The following OSBPL3 variants were observed in gnomAD, a reference collection of about 807,000 sequenced individuals.
OSBPL3 encodes the protein oxysterol binding protein like 3, also known as oxysterol-binding protein-related protein 3.
OSBPL3 carries 65 observed loss-of-function variants against 120.1 expected under a neutral mutation model. The ratio of observed to expected loss-of-function variants is 0.54; its 90% CI spans 0.44 to 0.67. The LOEUF (loss-of-function observed/expected upper bound fraction) is 0.67. Ranked by LOEUF, OSBPL3 falls within the 30% of genes least tolerant of loss-of-function variation. The probability of loss-of-function intolerance (pLI) is 0.00; values close to 1 mark genes in which losing one functional copy is unlikely to be tolerated. For missense variants in OSBPL3, 1,004 were observed against 1,082.1 expected, an observed-to-expected ratio of 0.93 and a Z score of 1.01; for synonymous variants, 416 against 402.6, an observed-to-expected ratio of 1.03 and a Z score of -0.40.
rs1803266007 is a variant in OSBPL3, at chr7:24,879,052, G to A, written c.97-6983C>T. Among the ~76,000 whole-genome samples the A allele has an allele frequency of 6.6e-6, 1 of 152,202 alleles. No homozygotes were observed. The highest frequency in any genetic ancestry group is 1.5e-5 in the Non-Finnish European group (1 of 68,040). ...TCCAGCTTTGCCTAAAGGATGGGTT[G>A]TCTTACTATCTAATGAGTGCTATGA... On this transcript the variant is annotated intron_variant, in intron 2 of 22. Transcript: ENST00000313367. The surrounding 1 kb of genome is among the most constrained non-coding windows in gnomAD (Gnocchi z 5.6).
chr7:24,880,310 G>A (rs1045719773), intron 2 of OSBPL3, among the ~76,000 whole-genome samples: 6 of 152,038 alleles, frequency 3.9e-5, no homozygotes, highest in Non-Finnish European at 5.9e-5. Context: ...GCAGAACCTC[G>A]CAGCTGAGTG....
chr7:24,868,348 T>A (rs1801641398), intron 5 of OSBPL3, among the ~76,000 whole-genome samples: 1 of 138,994 alleles, frequency 7.2e-6, no homozygotes, highest in African/African-American at 3.0e-5. Context: ...AGTGTGTGTG[T>A]GTGTGTGTGT....
In OSBPL3 at chr7:24,964,826, T is replaced by G. The variant is rs1816193841; in HGVS notation, c.-150+15060A>C. Among the ~76,000 whole-genome samples, 1 of 152,344 alleles carries G rather than the reference T, an allele frequency of 6.6e-6. No individual in the cohort carries two copies. The highest frequency in any genetic ancestry group is 2.1e-4 in the South Asian group (1 of 4,828). ...ACTATCTTCACATCTTTTCTCTACCTCTAAAACTATTCTAAACTTAAAAGT... is the reference window on the plus strand; with the variant it reads ...ACTATCTTCACATCTTTTCTCTACCGCTAAAACTATTCTAAACTTAAAAGT... On this transcript the variant is annotated intron_variant, in intron 1 of 22. Coordinates refer to ENST00000313367, the MANE Select transcript of OSBPL3 (RefSeq NM_015550.4). This position sits in a 1 kb window ranked among gnomAD's most constrained non-coding sequence, Gnocchi z 4.2.
rs540374723 is a variant in OSBPL3, at chr7:24,909,361, C to G, written c.-149-16740G>C. ...GAGCAGAGTTGTTTGTCTTCCAGGT[C>G]ATGGTCCTAAAAAGAGATACACATG... On this transcript the variant is annotated intron_variant, in intron 1 of 22. Transcript: ENST00000313367. Among the ~76,000 whole-genome samples, 3 of 152,276 alleles carry G rather than the reference C, an allele frequency of 2.0e-5. No homozygotes were observed. In the South Asian group the frequency reaches 6.2e-4, roughly 32 times the overall value.
intron 2 of OSBPL3, among the ~76,000 whole-genome samples, chr7:24,878,538 G>A (rs1293435493): frequency 6.6e-6 from 1 of 152,088 alleles, no homozygotes; most frequent in Non-Finnish European, 1.5e-5. Context: ...TATGAACACT[G>A]ACAATACTTG....
In OSBPL3 at chr7:24,938,639, G is replaced by GTTGT. The variant is rs139394185; in HGVS notation, c.-150+41243_-150+41246dup. Among the ~76,000 whole-genome samples, 27 of 152,046 alleles carry GTTGT rather than the reference G, an allele frequency of 1.8e-4. No homozygotes were observed. Among genetic ancestry groups the GTTGT allele is most frequent in the South Asian group, 6.2e-4 (3 of 4,806 alleles). On this transcript the variant is annotated intron_variant, in intron 1 of 22. Transcript: ENST00000313367. This position sits in a 1 kb window ranked among gnomAD's most constrained non-coding sequence, Gnocchi z 5.8. ...CAAAAGGGTATACCTCCCAGCTGAA[G>GTTGT]TTGTTTGTTTGTTTGTTTGTTTGTT...
Position 24,938,830 on chromosome 7 carries a change from TGTG to T in OSBPL3, c.-150+41053_-150+41055del, listed in dbSNP as rs1812744957. ...GTGTGTGTGTGTGTGTGTGTGTGTG[TGTG>T]TTTTGAGAGCAAAACTAATGTGGCC... On this transcript the variant is annotated intron_variant, in intron 1 of 22. Transcript: ENST00000313367. The surrounding 1 kb of genome is among the most constrained non-coding windows in gnomAD (Gnocchi z 5.8). Among the ~76,000 whole-genome samples, 4 of 147,150 alleles carry T rather than the reference TGTG, an allele frequency of 2.7e-5. No individual in the cohort carries two copies. The highest frequency in any genetic ancestry group is 9.9e-5 in the African/African-American group (4 of 40,236).
intron 22 of OSBPL3, 54 bp from the exon 23 acceptor site, chr7:24,800,333 C>A: frequency 9.6e-7 from 1 of 1,039,722 alleles, no homozygotes; most frequent in Non-Finnish European, 1.5e-6. Flanking sequence ...GTCACATTCT[C>A]AAGTCTCTTT....
chr7:24,865,558 A>G, intron 6 of OSBPL3, 93 bp from the exon 7 acceptor site: 1 of 1,198,362 alleles, frequency 8.3e-7, no homozygotes, highest in Non-Finnish European at 1.2e-6. Context: ...GCTAGTCACT[A>G]ATGGACACCA....
chr7:24,910,887 G>A (rs1456314802), intron 1 of OSBPL3, among the ~76,000 whole-genome samples: 2 of 152,156 alleles, frequency 1.3e-5, no homozygotes, highest in African/African-American at 2.4e-5. Context: ...TCTCAACCCC[G>A]GCTGCGTGAC....
At position 24,815,331 on chromosome 7, in the gene OSBPL3, C is replaced by A. The variant is rs567377585; in HGVS notation, c.2028-128G>T. The A allele has an allele frequency of 2.8e-6, 2 of 719,766 alleles. No individual in the cohort carries two copies. The highest frequency in any genetic ancestry group is 3.6e-5 in the South Asian group (2 of 55,866). 44.6% of individuals were successfully genotyped at this position (719,766 alleles called of 1,614,324 possible). ...CATCTCTTTATTCACAGAAGCAACA[C>A]TGGCTAAGTGTCTATGTCACACTGG... On this transcript the variant is annotated intron_variant, in intron 18 of 22. Transcript: ENST00000313367. This position sits in a 1 kb window ranked among gnomAD's most constrained non-coding sequence, Gnocchi z 5.1.
At chr7:24,838,284 C>T (rs1053245681) in intron 14 of OSBPL3, among the ~76,000 whole-genome samples, 1 of 152,042 alleles carries the variant, frequency 6.6e-6, no homozygotes, top group African/African-American at 2.4e-5. Flanking sequence ...TTACTTGAGG[C>T]CAGGAGTTCA....
chr7:24,948,417 A>G (rs1331725600), intron 1 of OSBPL3, among the ~76,000 whole-genome samples: 3 of 152,138 alleles, frequency 2.0e-5, no homozygotes, highest in African/African-American at 7.2e-5. Context: ...CCTTCTAACA[A>G]TTTGATAGCT....
Position 24,980,086 on chromosome 7 carries a change from C to G in OSBPL3, c.-350G>C, listed in dbSNP as rs1563035133. ...TGCGGGGCCGGAGCCGCGCTGCGCA[C>G]CGGCCGCGAAGCGCTCAAGTCCCCT... On this transcript the variant is annotated 5_prime_UTR_variant, in exon 1 of 23. Transcript: ENST00000313367. 8 of 983,646 alleles carry G rather than the reference C, an allele frequency of 8.1e-6. No individual in the cohort carries two copies. Among genetic ancestry groups the G allele is most frequent in the Non-Finnish European group, 8.4e-6 (7 of 828,454 alleles). The allele number at this position is 983,646 out of a possible 1,614,324, so 60.9% of individuals were successfully genotyped here.
intron 1 of OSBPL3, among the ~76,000 whole-genome samples, chr7:24,942,911 G>A (rs909659720): frequency 1.3e-5 from 2 of 152,112 alleles, no homozygotes; most frequent in Admixed American, 6.5e-5. Context: ...ATTTCACAAC[G>A]GTGATTAAGA....
At chr7:24,911,663 T>C (rs1808835705) in intron 1 of OSBPL3, among the ~76,000 whole-genome samples, 1 of 152,198 alleles carries the variant, frequency 6.6e-6, no homozygotes, top group African/African-American at 2.4e-5. Context: ...CCCCAAGATA[T>C]ATTTTGGAGG....
intron 1 of OSBPL3, chr7:24,906,664 A>G (rs1040353578): frequency 1.3e-5 from 2 of 152,616 alleles, no homozygotes; most frequent in African/African-American, 2.4e-5. Context: ...GTTGATGGAC[A>G]TTTAGGTTGT....
In OSBPL3 at chr7:24,918,971, G is replaced by A. The variant is rs568248072; in HGVS notation, c.-149-26350C>T. Among the ~76,000 whole-genome samples, 5 of 152,208 alleles carry A rather than the reference G, an allele frequency of 3.3e-5. No individual in the cohort carries two copies. Among genetic ancestry groups the A allele is most frequent in the East Asian group, 1.9e-4 (1 of 5,190 alleles). On this transcript the variant is annotated intron_variant, in intron 1 of 22. Transcript: ENST00000313367. The surrounding 1 kb of genome is among the most constrained non-coding windows in gnomAD (Gnocchi z 4.3). ...CATACGTCACATTATTTAATTCCCC[G>A]AATTACCCTTTGATTTGGTAGAGTT...
chr7:24,964,862 T>G lies in OSBPL3; in HGVS notation c.-150+15024A>C, dbSNP rs1275416850. 3.3e-5 allele frequency among the ~76,000 whole-genome samples: 5 copies of G among 152,212 alleles called. No individual in the cohort carries two copies. Among genetic ancestry groups the G allele is most frequent in the African/African-American group, 1.2e-4 (5 of 41,456 alleles). ...TCTAAACTTAAAAGTTGTTTTGTGT[T>G]GGGGGCTGTGATTAAAATAAGTAAA... On this transcript the variant is annotated intron_variant, in intron 1 of 22. Transcript: ENST00000313367. The surrounding 1 kb of genome is among the most constrained non-coding windows in gnomAD (Gnocchi z 4.2).
Sources: gnomAD v4.1 joint callset for allele counts (sites outside exome capture counted in the v4.1 genomes callset) on GRCh38, gnomAD v4.1.1 for gene constraint, Gnocchi (gnomAD v3.1) non-coding constraint, MANE v1.5 for transcripts, NCBI Gene and HGNC (gene_info 2026-07-23, HGNC 2026-07-21) for gene names.